Variants in RAP1GAP2 observed in about 807,000 individuals in gnomAD.
RAP1GAP2 encodes the protein rap1 GTPase-activating protein 2.
A neutral mutation model predicts 95.0 loss-of-function variants in RAP1GAP2; 27 were observed. The ratio of observed to expected loss-of-function variants is 0.28; its 90% CI spans 0.21 to 0.39. The LOEUF (loss-of-function observed/expected upper bound fraction) is 0.39. Ranked by LOEUF, RAP1GAP2 falls within the 10% of genes least tolerant of loss-of-function variation. The pLI is 1.00. For synonymous variants in RAP1GAP2, 373 were observed against 380.9 expected, an observed-to-expected ratio of 0.98 and a Z score of 0.24; for missense variants, 771 against 970.0, an observed-to-expected ratio of 0.79 and a Z score of 2.72.
intron 2 of RAP1GAP2, among the ~76,000 whole-genome samples, chr17:2,893,707 C>T (rs776535802): frequency 6.6e-6 from 1 of 152,330 alleles, no homozygotes; most frequent in East Asian, 1.9e-4. Flanking sequence ...GACCATGACG[C>T]TGCTCCCCCC....
chr17:2,837,948 G>A (rs56974139), intron 2 of RAP1GAP2, among the ~76,000 whole-genome samples: 117,433 of 149,468 alleles, frequency 0.79, 46,837 homozygotes, highest in African/African-American at 0.94. Context: ...GGACAGAAGA[G>A]TTAGCCTTTC....
At chr17:2,846,611 T>C (rs553300991) in intron 2 of RAP1GAP2, among the ~76,000 whole-genome samples, 1 of 152,136 alleles carries the variant, frequency 6.6e-6, no homozygotes, top group East Asian at 1.9e-4. Context: ...GTGATGAACA[T>C]TGTCATGCAA....
At chr17:2,898,205 C>G (rs982072588) in intron 2 of RAP1GAP2, among the ~76,000 whole-genome samples, 1 of 152,198 alleles carries the variant, frequency 6.6e-6, no homozygotes, top group Non-Finnish European at 1.5e-5. Flanking sequence ...AGCCACCTCA[C>G]CCGGCCAACG....
chr17:3,030,372 A>G (rs945803847), intron 22 of RAP1GAP2, among the ~76,000 whole-genome samples: 1 of 152,050 alleles, frequency 6.6e-6, no homozygotes, highest in African/African-American at 2.4e-5. Flanking sequence ...GCATGTTTTG[A>G]AGTTTCATGT....
intron 12 of RAP1GAP2, among the ~76,000 whole-genome samples, chr17:2,992,300 A>G (rs1007587918): frequency 6.6e-6 from 1 of 151,602 alleles, no homozygotes; most frequent in Non-Finnish European, 1.5e-5. Flanking sequence ...AGCTGGGACT[A>G]CAAGGCGCGC....
In RAP1GAP2 at chr17:3,004,764, C is replaced by A. The variant is rs1365724349; in HGVS notation, c.1201-605C>A. Among the ~76,000 whole-genome samples the A allele has an allele frequency of 3.3e-5, 5 of 152,250 alleles. No homozygotes were observed. The highest frequency in any genetic ancestry group is 2.6e-4 in the Admixed American group (4 of 15,292). On this transcript the variant is annotated intron_variant, in intron 14 of 24. Coordinates refer to ENST00000254695, the MANE Select transcript of RAP1GAP2 (RefSeq NM_015085.5). This position sits in a 1 kb window ranked among gnomAD's most constrained non-coding sequence, Gnocchi z 4.1. ...GGCTGCACGAGAGTTTCCGGGGGGCCCTACCCTTCCGATTCGGCAGGTTTA... is the reference window on the plus strand; with the variant it reads ...GGCTGCACGAGAGTTTCCGGGGGGCACTACCCTTCCGATTCGGCAGGTTTA...
At chr17:2,846,922 G>T (rs978844703) in intron 2 of RAP1GAP2, among the ~76,000 whole-genome samples, 1 of 132,790 alleles carries the variant, frequency 7.5e-6, no homozygotes, top group African/African-American at 2.6e-5. Flanking sequence ...CTGCATTTTA[G>T]CTCACAATAG....
rs148148162 is a variant in RAP1GAP2, at chr17:3,005,171, G to A, written c.1201-198G>A. 7.2e-4 allele frequency among the ~76,000 whole-genome samples: 109 copies of A among 152,304 alleles called. 1 individual carries two copies. The East Asian group carries it at 0.013, about 18-fold the overall frequency. The stretch of plus-strand genomic sequence containing the variant: ...TCCAGGAATGCAGATGAGAGGCTGC[G>A]GATGGCCCCACACCGTCCGGCCCCA... On this transcript the variant is annotated intron_variant, in intron 14 of 24. Coordinates refer to ENST00000254695, the MANE Select transcript of RAP1GAP2 (RefSeq NM_015085.5). The surrounding 1 kb of genome is among the most constrained non-coding windows in gnomAD (Gnocchi z 5.2).
intron 11 of RAP1GAP2, among the ~76,000 whole-genome samples, chr17:2,987,553 G>T (rs1425958220): frequency 6.6e-6 from 1 of 151,916 alleles, no homozygotes; most frequent in Non-Finnish European, 1.5e-5. Flanking sequence ...TAGAGACGGG[G>T]TTTCACCGTG....
intron 14 of RAP1GAP2, among the ~76,000 whole-genome samples, chr17:3,000,314 C>T (rs954780966): frequency 9.9e-5 from 15 of 152,226 alleles, no homozygotes; most frequent in South Asian, 8.3e-4. Context: ...AACAGCTGCT[C>T]GATTCAAGTG....
chr17:2,761,670 T>C (rs1403748496), intron 1 of RAP1GAP2, among the ~76,000 whole-genome samples: 1 of 152,294 alleles, frequency 6.6e-6, no homozygotes, highest in East Asian at 1.9e-4. Context: ...TCAGCACCCT[T>C]GGGGATACCA....
chr17:2,844,900 G>T (rs570142712), intron 2 of RAP1GAP2, among the ~76,000 whole-genome samples: 2 of 152,148 alleles, frequency 1.3e-5, no homozygotes, highest in African/African-American at 2.4e-5. Context: ...TTAGGAGTCG[G>T]GTAAAAGGGT....
intron 2 of RAP1GAP2, among the ~76,000 whole-genome samples, chr17:2,846,997 A>T (rs1281027785): frequency 6.6e-6 from 1 of 152,120 alleles, no homozygotes; most frequent in African/African-American, 2.4e-5. Context: ...ATTCCATCAA[A>T]CCTGCCTTTA....
intron 1 of RAP1GAP2, among the ~76,000 whole-genome samples, chr17:2,766,982 G>T (rs1400078301): frequency 1.4e-5 from 2 of 146,490 alleles, no homozygotes; most frequent in Admixed American, 6.8e-5. Context: ...CAGCTGCACA[G>T]TTTTTTTTTT....
intron 2 of RAP1GAP2, among the ~76,000 whole-genome samples, chr17:2,841,893 C>G (rs954502426): frequency 6.6e-6 from 1 of 152,206 alleles, no homozygotes; most frequent in East Asian, 1.9e-4. Context: ...CGGGCTCCTC[C>G]TGACCCCACA....
At chr17:2,932,085 C>T (rs528941312) in intron 3 of RAP1GAP2, among the ~76,000 whole-genome samples, 5 of 152,308 alleles carry the variant, frequency 3.3e-5, no homozygotes, top group Admixed American at 2.6e-4. Context: ...CCCAGTAATC[C>T]GTTGTCCCAG....
chr17:2,911,674 C>G (rs12946222), intron 3 of RAP1GAP2, among the ~76,000 whole-genome samples: 1 of 129,008 alleles, frequency 7.8e-6, no homozygotes, highest in Non-Finnish European at 1.6e-5. Flanking sequence ...GAGGGGGAAA[C>G]GCTATGTGGG....
intron 9 of RAP1GAP2, 102 bp from the exon 10 acceptor site, chr17:2,981,093 A>G: frequency 2.7e-6 from 3 of 1,101,214 alleles, no homozygotes; most frequent in East Asian, 2.6e-5. Context: ...CTCCTGACCC[A>G]TGTGCCTCGC....
intron 2 of RAP1GAP2, among the ~76,000 whole-genome samples, chr17:2,819,719 C>T (rs1237799725): frequency 1.3e-5 from 2 of 151,168 alleles, no homozygotes; most frequent in South Asian, 2.1e-4. Flanking sequence ...CCACCTGCCT[C>T]GGCCTCCCAA....
Sources: allele counts gnomAD v4.1 joint callset (sites outside exome capture counted in the v4.1 genomes callset), GRCh38; gene constraint gnomAD v4.1.1; non-coding constraint Gnocchi (gnomAD v3.1); transcripts MANE v1.5; gene names NCBI Gene and HGNC (gene_info 2026-07-23, HGNC 2026-07-21).